Variants in PARP8 observed in about 807,000 individuals in gnomAD.
PARP8 encodes poly(ADP-ribose) polymerase family member 8.
Under a neutral mutation model 124.1 loss-of-function variants are expected in PARP8, and 51 were observed. That is an observed-to-expected ratio of 0.41 (90% CI 0.33 to 0.52). PARP8 has a LOEUF of 0.52. PARP8 is among the 20% of genes least tolerant of loss of function. The probability of loss-of-function intolerance (pLI) is 0.21; values close to 1 mark genes in which losing one functional copy is unlikely to be tolerated. For synonymous variants in PARP8, 391 were observed against 361.5 expected, an observed-to-expected ratio of 1.08 and a Z score of -0.93; for missense variants, 860 against 1,018.9, an observed-to-expected ratio of 0.84 and a Z score of 2.12.
intron 2 of PARP8, among the ~76,000 whole-genome samples, chr5:50,670,138 T>C (rs1379885829): frequency 2.6e-5 from 4 of 152,260 alleles, no homozygotes; most frequent in Admixed American, 6.5e-5. Context: ...TTAATCTATT[T>C]CTTATCCTGA....
intron 14 of PARP8, among the ~76,000 whole-genome samples, chr5:50,814,263 T>G (rs1744833729): frequency 6.6e-6 from 1 of 152,034 alleles, no homozygotes; most frequent in Admixed American, 6.6e-5. Context: ...AAATTTAGGG[T>G]AAAGCATATA....
rs1429978030 is a variant in PARP8, at chr5:50,739,726, ATATATATT to A, written c.147-10423_147-10416del. 1.2e-3 allele frequency among the ~76,000 whole-genome samples: 129 copies of A among 105,030 alleles called. 1 individual carries two copies. The highest frequency in any genetic ancestry group is 4.4e-3 in the African/African-American group (120 of 27,278). 68.9% of individuals were successfully genotyped at this position (105,030 alleles called of 152,430 possible). A position where few individuals can be genotyped will look rare whatever the true frequency, so the allele number is the denominator to read the frequency against. On this transcript the variant is annotated intron_variant, in intron 2 of 25. Transcript: ENST00000281631. ...GGTATATACATATATATATATATAT[ATATATATT>A]TTTTTTTTTTTTTTTTTTTGAGACG...
chr5:50,796,465 GAATGTTTCCCATGTTAGCTTCATCC>G (rs1328905725), intron 12 of PARP8, among the ~76,000 whole-genome samples: 8 of 152,308 alleles, frequency 5.3e-5, no homozygotes, highest in African/African-American at 1.9e-4. Context: ...CTGCACAGTG[GAATGTTTCCCATGTTAGCTTCATCC>G]AAGAAAGATC....
intron 14 of PARP8, among the ~76,000 whole-genome samples, chr5:50,815,034 G>A (rs1744943716): frequency 6.6e-6 from 1 of 151,020 alleles, no homozygotes; most frequent in Admixed American, 6.6e-5. Context: ...TCCTTTATAT[G>A]TTTGTTTTAT....
At chr5:50,711,204 A>G (rs1754738850) in intron 2 of PARP8, among the ~76,000 whole-genome samples, 1 of 152,136 alleles carries the variant, frequency 6.6e-6, no homozygotes, top group African/African-American at 2.4e-5. Context: ...AAGTCTTCTG[A>G]TAGTCTTGCT....
chr5:50,723,632 A>G (rs1756130378), intron 2 of PARP8, among the ~76,000 whole-genome samples: 1 of 152,062 alleles, frequency 6.6e-6, no homozygotes, highest in Non-Finnish European at 1.5e-5. Context: ...TCTTTTTACA[A>G]TTAGAGGAAA....
intron 7 of PARP8, among the ~76,000 whole-genome samples, chr5:50,774,615 C>T (rs1440444618): frequency 8.8e-5 from 12 of 137,078 alleles, no homozygotes; most frequent in Admixed American, 1.5e-4. Context: ...CGGGCAGAGG[C>T]GCTCCTCACT....
chr5:50,726,601 G>A (rs746623827), intron 2 of PARP8, among the ~76,000 whole-genome samples: 3 of 152,170 alleles, frequency 2.0e-5, no homozygotes, highest in Non-Finnish European at 2.9e-5. Flanking sequence ...GCACAGCGAT[G>A]ATTGAGGAAA....
At chr5:50,763,309 G>A in intron 7 of PARP8, 67 bp downstream of exon 7, 2 of 1,274,614 alleles carry the variant, frequency 1.6e-6, no homozygotes, top group Non-Finnish European at 2.3e-6. Flanking sequence ...TACTTTTGGA[G>A]TAATTTAAAG....
chr5:50,714,382 AT>A (rs1561280125), intron 2 of PARP8, among the ~76,000 whole-genome samples: 1 of 152,096 alleles, frequency 6.6e-6, no homozygotes, highest in East Asian at 1.9e-4. Context: ...TTTCTTTTCT[AT>A]TTTTTAAACC....
At chr5:50,796,032 C>G (rs1458608740) in intron 12 of PARP8, among the ~76,000 whole-genome samples, 1 of 152,162 alleles carries the variant, frequency 6.6e-6, no homozygotes, top group Admixed American at 6.5e-5. Flanking sequence ...CCTTTTGATG[C>G]TATTTATCAA....
rs892623642 is a variant in PARP8, at chr5:50,844,567, T to G, written c.*2499T>G. On this transcript the variant is annotated 3_prime_UTR_variant, in exon 26 of 26. Transcript: ENST00000281631. ...ATTATCTATTCACTTATTTGATGATTCCAAACATTTGATATTGTATTGTGT... is the reference window on the plus strand; with the variant it reads ...ATTATCTATTCACTTATTTGATGATGCCAAACATTTGATATTGTATTGTGT... 2 of 151,772 alleles carry G rather than the reference T, an allele frequency of 1.3e-5. No individual in the cohort carries two copies. The highest frequency in any genetic ancestry group is 2.1e-4 in the South Asian group (1 of 4,834). 9.4% of individuals were successfully genotyped at this position (151,772 alleles called of 1,614,324 possible). A position where few individuals can be genotyped will look rare whatever the true frequency, so the allele number is the denominator to read the frequency against.
chr5:50,676,122 A>G (rs1176974956), intron 2 of PARP8, among the ~76,000 whole-genome samples: 3 of 152,218 alleles, frequency 2.0e-5, no homozygotes, highest in Non-Finnish European at 4.4e-5. Flanking sequence ...TGAGTGAAGT[A>G]TTTGGGGTTT....
At chr5:50,796,037 T>G (rs929409748) in intron 12 of PARP8, among the ~76,000 whole-genome samples, 2 of 152,250 alleles carry the variant, frequency 1.3e-5, no homozygotes, top group African/African-American at 4.8e-5. Flanking sequence ...TGATGCTATT[T>G]ATCAAGAGTA....
intron 17 of PARP8, among the ~76,000 whole-genome samples, chr5:50,823,865 C>T (rs1298873959): frequency 6.6e-6 from 1 of 152,300 alleles, no homozygotes; most frequent in South Asian, 2.1e-4. Context: ...ATGAATGTGA[C>T]CTGTGACCTT....
At chr5:50,763,013 A>G (rs557481575) in intron 6 of PARP8, 135 bp from the exon 7 acceptor site, 3 of 583,170 alleles carry the variant, frequency 5.1e-6, no homozygotes, top group Non-Finnish European at 9.2e-6. Context: ...ACCTAAGGAT[A>G]TTAGTGAATA....
intron 7 of PARP8, among the ~76,000 whole-genome samples, chr5:50,771,992 C>G (rs930238876): frequency 2.6e-5 from 4 of 152,186 alleles, no homozygotes; most frequent in Non-Finnish European, 5.9e-5. Flanking sequence ...TGACCAGTTT[C>G]TCCTCCTCAT....
chr5:50,763,914 C>A (rs1357419796), intron 7 of PARP8, among the ~76,000 whole-genome samples: 2 of 152,182 alleles, frequency 1.3e-5, no homozygotes, highest in Non-Finnish European at 2.9e-5. Flanking sequence ...ATTCCAGACC[C>A]CTTTCGTAGC....
At chr5:50,828,270 A>C (rs759967126) in intron 20 of PARP8, 42 bp from the exon 21 acceptor site, 1 of 1,560,298 alleles carries the variant, frequency 6.4e-7, no homozygotes, top group Admixed American at 1.7e-5. Flanking sequence ...GAAGATAATT[A>C]ATTTTCTGGT....
Sources: gnomAD v4.1 joint callset for allele counts (sites outside exome capture counted in the v4.1 genomes callset) on GRCh38, gnomAD v4.1.1 for gene constraint, MANE v1.5 for transcripts, NCBI Gene and HGNC (gene_info 2026-07-23, HGNC 2026-07-21) for gene names.